AADACL4: variants seen among roughly 807,000 people sequenced by gnomAD.
The protein encoded by AADACL4 is arylacetamide deacetylase like 4.
A neutral mutation model predicts 14.1 loss-of-function variants in AADACL4; 9 were observed. That is an observed-to-expected ratio of 0.64 (90% CI 0.39 to 1.12). The LOEUF is 1.12. Ranked by LOEUF, AADACL4 falls within the 50% of genes most tolerant of loss-of-function variation. AADACL4 has a pLI of 0.01. For synonymous variants in AADACL4, 188 were observed against 201.6 expected (o/e 0.93, Z 0.57); for missense variants, 531 against 516.1 (o/e 1.03, Z -0.28).
intron 2 of AADACL4, among the ~76,000 whole-genome samples, chr1:12,654,483 G>A (rs538571964): frequency 2.0e-4 from 30 of 152,280 alleles, no homozygotes; most frequent in African/African-American, 7.2e-4. Context: ...CCTTATTTCG[G>A]TGTGTGAGTG....
At chr1:12,647,768 A>G (rs901238906) in intron 1 of AADACL4, among the ~76,000 whole-genome samples, 5 of 151,220 alleles carry the variant, frequency 3.3e-5, no homozygotes, top group African/African-American at 9.7e-5. Flanking sequence ...TGATCCTCCC[A>G]CTTCAGCGTC....
In AADACL4 at chr1:12,666,050, A is replaced by G. The variant is rs1345905699; in HGVS notation, c.539A>G (p.Tyr180Cys). 1 of 1,614,026 alleles carries G rather than the reference A, an allele frequency of 6.2e-7. No individual in the cohort carries two copies. Among genetic ancestry groups the G allele is most frequent in the African/African-American group, 1.3e-5 (1 of 74,902 alleles). The change falls in exon 4 of 4, where the codon TAT (tyrosine) becomes TGT (cysteine). Residue 180 changes from tyrosine to cysteine, a missense_variant. Tyr to Cys is a radical substitution (Grantham distance 194, BLOSUM62 -2). Transcript: ENST00000376221. ...SIHFLKALET[Y>C]GVDPSRVVVC... ...CACTTCCTGAAGGCCCTGGAAACCT[A>G]TGGGGTGGACCCCTCCAGGGTTGTG...
intron 1 of AADACL4, 43 bp from the exon 2 acceptor site, chr1:12,651,080 T>C: frequency 6.4e-7 from 1 of 1,571,786 alleles, no homozygotes; most frequent in Non-Finnish European, 8.8e-7. Flanking sequence ...ATCCAGATTC[T>C]AACCTCTCCT....
At chr1:12,658,135 C>CTTT (rs1557550851) in intron 2 of AADACL4, among the ~76,000 whole-genome samples, 6 of 87,376 alleles carry the variant, frequency 6.9e-5, no homozygotes, top group Middle Eastern at 5.9e-3. Context: ...TTCCTTCCTT[C>CTTT]CTTCCTTTCT....
rs925361130 is a variant in AADACL4, at chr1:12,644,442, A to G, written c.-105A>G. On this transcript the variant is annotated 5_prime_UTR_variant, in exon 1 of 4. Coordinates refer to ENST00000376221, the MANE Select transcript of AADACL4 (RefSeq NM_001013630.2). ...GTGTCAGGTGTCAGGCTTAGCCCAG[A>G]GAGAGTGAGGTGGAGGAGGCGGAGG... 25 of 1,345,130 alleles carry G rather than the reference A, an allele frequency of 1.9e-5. No homozygotes were observed. The highest frequency in any genetic ancestry group is 2.6e-5 in the Non-Finnish European group (25 of 977,168). 83.3% of individuals were successfully genotyped at this position (1,345,130 alleles called of 1,614,324 possible).
chr1:12,645,606 A>C (rs1647106709), intron 1 of AADACL4, among the ~76,000 whole-genome samples: 1 of 151,948 alleles, frequency 6.6e-6, no homozygotes, highest in Admixed American at 6.6e-5. Context: ...GCAGTGGTGC[A>C]ATCATGGCTC....
chr1:12,663,842 G>A (rs186417640), intron 3 of AADACL4, among the ~76,000 whole-genome samples: 11 of 152,154 alleles, frequency 7.2e-5, no homozygotes, highest in Admixed American at 5.9e-4. Flanking sequence ...CATGTGTTTC[G>A]CCTGAGCTTA....
chr1:12,644,629 TC>T lies in AADACL4; in HGVS notation c.85del (p.Leu29SerfsTer15). On this transcript the variant is annotated frameshift_variant, in exon 1 of 4. Coordinates refer to ENST00000376221, the MANE Select transcript of AADACL4 (RefSeq NM_001013630.2). LOFTEE classifies it high-confidence loss of function. ...GVFVWAVFEHFLTTDIPATLQ... is the reference protein window; with the variant it reads ...GVFVWAVFEHXLTTDIPATLQ... ...TTTGTCTGGGCTGTCTTTGAGCACT[TC>T]CTCACCACGGATATCCCTGCTACCT... 1 of 1,614,160 alleles carries T rather than the reference TC, an allele frequency of 6.2e-7. No homozygotes were observed. Among genetic ancestry groups the T allele is most frequent in the South Asian group, 1.1e-5 (1 of 91,082 alleles).
intron 2 of AADACL4, 31 bp from the exon 3 acceptor site, chr1:12,661,760 C>T (rs760917734): frequency 2.1e-5 from 33 of 1,609,002 alleles, no homozygotes; most frequent in Admixed American, 1.7e-4. Flanking sequence ...CCTACTCATG[C>T]GCTGCTGCTC....
intron 3 of AADACL4, among the ~76,000 whole-genome samples, chr1:12,662,099 T>C (rs1457886849): frequency 6.6e-6 from 1 of 152,114 alleles, no homozygotes. Flanking sequence ...GCCAAGAAGA[T>C]ATTATGGATT....
In AADACL4 at chr1:12,648,248, G is replaced by T. The variant is rs185015958; in HGVS notation, c.169-2875G>T. Among the ~76,000 whole-genome samples the T allele has an allele frequency of 8.3e-4, 126 of 152,294 alleles. 1 individual carries two copies. The South Asian group carries it at 1.0e-2, about 12-fold the overall frequency. The stretch of plus-strand genomic sequence containing the variant: ...GCCTCCCAAAGTGCTGGGATTGCAG[G>T]CATGAGCCACCGCAGCCGGACTGCT... On this transcript the variant is annotated intron_variant, in intron 1 of 3. Coordinates refer to ENST00000376221, the MANE Select transcript of AADACL4 (RefSeq NM_001013630.2).
At chr1:12,655,746 C>A (rs1647176475) in intron 2 of AADACL4, among the ~76,000 whole-genome samples, 2 of 151,896 alleles carry the variant, frequency 1.3e-5, no homozygotes, top group Non-Finnish European at 1.5e-5. Context: ...CCTTTTCAGC[C>A]CTGTCCCTAT....
At chr1:12,648,311 G>C (rs1647124164) in intron 1 of AADACL4, among the ~76,000 whole-genome samples, 1 of 151,462 alleles carries the variant, frequency 6.6e-6, no homozygotes, top group Non-Finnish European at 1.5e-5. Flanking sequence ...ATTTGTCAAG[G>C]AGTTTCAACA....
chr1:12,657,272 C>T (rs1386606771), intron 2 of AADACL4, among the ~76,000 whole-genome samples: 1 of 151,828 alleles, frequency 6.6e-6, no homozygotes, highest in Non-Finnish European at 1.5e-5. Context: ...GAAACAGCAG[C>T]AGGGAGGCAG....
intron 1 of AADACL4, among the ~76,000 whole-genome samples, chr1:12,646,564 C>A (rs1440920155): frequency 6.6e-6 from 1 of 152,206 alleles, no homozygotes; most frequent in Non-Finnish European, 1.5e-5. Flanking sequence ...CAGTCTCAAG[C>A]CAGTGGCTGC....
intron 3 of AADACL4, 115 bp downstream of exon 3, chr1:12,661,969 T>G (rs1189181959): frequency 8.6e-7 from 1 of 1,156,966 alleles, no homozygotes; most frequent in East Asian, 2.4e-5. Flanking sequence ...CTCTTGGACA[T>G]GCATCCACAG....
rs1191457132 is a variant in AADACL4, at chr1:12,658,139, C to CCTTTCTTT, written c.386-3631_386-3624dup. ...TCCTTCCTTCCTTCCTTCCTTCCTT[C>CCTTTCTTT]CTTTCTTTCTTTCTTTCTTTCTTTC... On this transcript the variant is annotated intron_variant, in intron 2 of 3. Transcript: ENST00000376221. 9.6e-3 allele frequency among the ~76,000 whole-genome samples: 814 copies of CCTTTCTTT among 84,908 alleles called. 41 individuals are homozygous for CCTTTCTTT. The highest frequency in any genetic ancestry group is 0.081 in the Admixed American group (689 of 8,490). 55.7% of individuals were successfully genotyped at this position (84,908 alleles called of 152,430 possible).
chr1:12,659,198 G>A (rs551043044), intron 2 of AADACL4, among the ~76,000 whole-genome samples: 298 of 152,282 alleles, frequency 2.0e-3, no homozygotes, highest in African/African-American at 6.7e-3. Context: ...TCTCTAGCTG[G>A]ATCTGTTGTC....
chr1:12,644,572 T>G lies in AADACL4; in HGVS notation c.26T>G (p.Leu9Arg), dbSNP rs745484522. The G allele has an allele frequency of 1.9e-6, 3 of 1,614,018 alleles. No homozygotes were observed. The highest frequency in any genetic ancestry group is 1.7e-5 in the Admixed American group (1 of 60,006). ...ATGGCTGTCCCCTGGCTAGTGCTACTCTTGGCATTGCCCATCTTTTTCCTG... is the reference window on the plus strand; with the variant it reads ...ATGGCTGTCCCCTGGCTAGTGCTACGCTTGGCATTGCCCATCTTTTTCCTG... MAVPWLVL[L>R]LALPIFFLGV... Residue 9 changes from leucine (L) to arginine (R), a missense_variant, in exon 1 of 4, where the codon CTC (leucine) becomes CGC (arginine). Physicochemically the swap from Leu to Arg is moderately radical, Grantham distance 102. Coordinates refer to ENST00000376221, the MANE Select transcript of AADACL4 (RefSeq NM_001013630.2).
Sources: gnomAD v4.1 joint callset for allele counts (sites outside exome capture counted in the v4.1 genomes callset) on GRCh38, gnomAD v4.1.1 for gene constraint, MANE v1.5 for transcripts, NCBI Gene and HGNC (gene_info 2026-07-23, HGNC 2026-07-21) for gene names.